B3GAT2: variants seen among roughly 807,000 people sequenced by gnomAD.
The protein encoded by B3GAT2 is galactosylgalactosylxylosylprotein 3-beta-glucuronosyltransferase 2.
B3GAT2 carries 26 observed loss-of-function variants against 27.8 expected under a neutral mutation model. The observed-to-expected ratio is 0.93, with a 90% CI of 0.68 to 1.30. The LOEUF (loss-of-function observed/expected upper bound fraction) is 1.30. Among genes scored for constraint, B3GAT2 ranks in the 50% most tolerant of loss-of-function variants. The pLI is 0.00. For missense variants in B3GAT2, 458 were observed against 459.0 expected, an observed-to-expected ratio of 1.00 and a Z score of 0.02; for synonymous variants, 218 against 195.1, an observed-to-expected ratio of 1.12 and a Z score of -0.98.
At chr6:70,950,526 C>T (rs1409295089) in intron 1 of B3GAT2, among the ~76,000 whole-genome samples, 1 of 152,106 alleles carries the variant, frequency 6.6e-6, no homozygotes, top group East Asian at 1.9e-4. Context: ...GTCAACAATG[C>T]AGGCGCTAGA....
At chr6:70,878,904 C>T (rs1024431613) in intron 2 of B3GAT2, among the ~76,000 whole-genome samples, 14 of 151,994 alleles carry the variant, frequency 9.2e-5, no homozygotes, top group African/African-American at 3.4e-4. Flanking sequence ...ACTACATCTG[C>T]TAGTGGGCAC....
intron 1 of B3GAT2, among the ~76,000 whole-genome samples, chr6:70,944,832 C>G (rs1765452634): frequency 6.6e-6 from 1 of 152,188 alleles, no homozygotes; most frequent in East Asian, 1.9e-4. Context: ...CCAGTAGGGG[C>G]AGACTGACAC....
chr6:70,884,716 C>A (rs571979916), intron 2 of B3GAT2, among the ~76,000 whole-genome samples: 86 of 152,330 alleles, frequency 5.6e-4, no homozygotes, highest in Non-Finnish European at 1.0e-3. Flanking sequence ...GCTAGGCAAA[C>A]GTGAGAAGAA....
chr6:70,914,903 TC>T (rs777261825), intron 1 of B3GAT2, among the ~76,000 whole-genome samples: 4 of 152,232 alleles, frequency 2.6e-5, no homozygotes, highest in Non-Finnish European at 5.9e-5. Flanking sequence ...TGCTTTATAA[TC>T]CTTTGGGTAT....
At position 70,872,679 on chromosome 6, in the gene B3GAT2, C is replaced by T. The variant is rs370906438; in HGVS notation, c.737-10701G>A. ...TTTGATTGGGTTTTTTATCCAGTTACGTTTAATGTAATTACCAATAAATTG... is the reference window on the plus strand; with the variant it reads ...TTTGATTGGGTTTTTTATCCAGTTATGTTTAATGTAATTACCAATAAATTG... On this transcript the variant is annotated intron_variant, in intron 2 of 3. Transcript: ENST00000230053. Among the ~76,000 whole-genome samples the T allele has an allele frequency of 1.3e-4, 19 of 151,754 alleles. No individual in the cohort carries two copies. In the East Asian group the frequency reaches 2.5e-3, roughly 20 times the overall value.
chr6:70,951,210 C>CA (rs1322202226), intron 1 of B3GAT2, among the ~76,000 whole-genome samples: 3 of 152,082 alleles, frequency 2.0e-5, no homozygotes, highest in Non-Finnish European at 4.4e-5. Flanking sequence ...ATGACGACAA[C>CA]AAAAAACCTA....
chr6:70,956,172 C>G lies in B3GAT2; in HGVS notation c.258G>C (p.Thr86=). ...EPQLPTIYAI[T]PTYSRPVQKA... ...TCTGCACCGGGCGGCTGTAGGTGGG[C>G]GTGATGGCATAGATGGTGGGCAGCT... The change falls in exon 1 of 4, where the codon ACG becomes ACC. Residue 86 remains threonine, a synonymous_variant. Coordinates refer to ENST00000230053, the MANE Select transcript of B3GAT2 (RefSeq NM_080742.3). 1 of 1,609,794 alleles carries G rather than the reference C, an allele frequency of 6.2e-7. No homozygotes were observed. The highest frequency in any genetic ancestry group is 8.5e-7 in the Non-Finnish European group (1 of 1,177,838).
chr6:70,905,904 T>C (rs113076653), intron 1 of B3GAT2, among the ~76,000 whole-genome samples: 7 of 150,962 alleles, frequency 4.6e-5, no homozygotes, highest in Middle Eastern at 3.4e-3. Context: ...TGTGTGTGTG[T>C]ATGTGTGTGT....
intron 1 of B3GAT2, among the ~76,000 whole-genome samples, chr6:70,935,918 T>A (rs2150047444): frequency 6.6e-6 from 1 of 151,900 alleles, no homozygotes; most frequent in Non-Finnish European, 1.5e-5. Flanking sequence ...ACTTTAAATG[T>A]AAATGGACTA....
At chr6:70,896,844 T>C (rs1481055317) in intron 1 of B3GAT2, among the ~76,000 whole-genome samples, 3 of 152,248 alleles carry the variant, frequency 2.0e-5, no homozygotes, top group African/African-American at 7.2e-5. Context: ...CTTTTGGCTA[T>C]TACAGATGAA....
intron 1 of B3GAT2, among the ~76,000 whole-genome samples, chr6:70,912,838 C>G (rs533876879): frequency 6.6e-6 from 1 of 152,172 alleles, no homozygotes; most frequent in African/African-American, 2.4e-5. Flanking sequence ...ACTACTGATT[C>G]AATTTTGGAA....
chr6:70,923,900 A>G lies in B3GAT2; in HGVS notation c.592-29628T>C, dbSNP rs557293966. Among the ~76,000 whole-genome samples the G allele has an allele frequency of 2.6e-5, 4 of 152,252 alleles. No homozygotes were observed. In the South Asian group the frequency reaches 8.3e-4, roughly 32 times the overall value. On this transcript the variant is annotated intron_variant, in intron 1 of 3. Transcript: ENST00000230053. ...AAGATCTGTTTATATTGTTGTATGT[A>G]CTTAAAGTTTCTCTCAGTCCTGGAT... is the stretch of plus-strand genomic sequence containing the variant.
intron 1 of B3GAT2, among the ~76,000 whole-genome samples, chr6:70,927,686 A>G (rs1206106647): frequency 6.6e-6 from 1 of 152,222 alleles, no homozygotes; most frequent in Non-Finnish European, 1.5e-5. Context: ...GCGAGTCCTT[A>G]GAAACCTACA....
At chr6:70,868,892 G>A (rs1350095147) in intron 2 of B3GAT2, among the ~76,000 whole-genome samples, 2 of 152,138 alleles carry the variant, frequency 1.3e-5, no homozygotes, top group Non-Finnish European at 2.9e-5. Flanking sequence ...AGCATACACT[G>A]CCTTTTGGAA....
In B3GAT2 at chr6:70,889,448, AG is replaced by A. The variant is rs141466991; in HGVS notation, c.736+4679del. 8.2e-3 allele frequency among the ~76,000 whole-genome samples: 1,243 copies of A among 152,198 alleles called. 19 individuals carry two copies. Among genetic ancestry groups the A allele is most frequent in the African/African-American group, 0.029 (1,186 of 41,522 alleles). ...CCACTGTCCACCCACTCGCCACAAA[AG>A]TCAGGGCTTTTAAGCCTCCATTGAA... On this transcript the variant is annotated intron_variant, in intron 2 of 3. Coordinates refer to ENST00000230053, the MANE Select transcript of B3GAT2 (RefSeq NM_080742.3).
chr6:70,910,662 A>G (rs1772675634), intron 1 of B3GAT2, among the ~76,000 whole-genome samples: 1 of 152,176 alleles, frequency 6.6e-6, no homozygotes, highest in Non-Finnish European at 1.5e-5. Flanking sequence ...TTATGGTAGA[A>G]TGATTTCTAT....
intron 1 of B3GAT2, among the ~76,000 whole-genome samples, chr6:70,897,555 A>G (rs1344411536): frequency 6.6e-6 from 1 of 151,960 alleles, no homozygotes; most frequent in East Asian, 1.9e-4. Context: ...CCTGGCCAAC[A>G]TGGTGAAACC....
intron 1 of B3GAT2, among the ~76,000 whole-genome samples, chr6:70,912,358 T>C (rs1772701806): frequency 6.6e-6 from 1 of 152,056 alleles, no homozygotes; most frequent in African/African-American, 2.4e-5. Flanking sequence ...TTGCATTCAA[T>C]AGATGTATCT....
intron 2 of B3GAT2, among the ~76,000 whole-genome samples, chr6:70,875,446 A>G (rs1393093325): frequency 6.6e-6 from 1 of 152,220 alleles, no homozygotes; most frequent in African/African-American, 2.4e-5. Flanking sequence ...CTTATTTACT[A>G]TCCCAAATTG....
Sources: gnomAD v4.1 joint callset for allele counts (sites outside exome capture counted in the v4.1 genomes callset) on GRCh38, gnomAD v4.1.1 for gene constraint, MANE v1.5 for transcripts, NCBI Gene and HGNC (gene_info 2026-07-23, HGNC 2026-07-21) for gene names.